The following EXOC6B variants were observed in gnomAD, a reference collection of about 807,000 sequenced individuals.
EXOC6B encodes exocyst complex component 6B.
Under a neutral mutation model 113.5 loss-of-function variants are expected in EXOC6B, and 54 were observed. That is an observed-to-expected ratio of 0.48 (90% CI 0.38 to 0.60). The LOEUF is 0.60. Ranked by LOEUF, EXOC6B falls within the 20% of genes least tolerant of loss-of-function variation. The pLI is 0.00. For synonymous variants in EXOC6B, 357 were observed against 339.0 expected (o/e 1.05, Z -0.58); for missense variants, 797 against 977.5 (o/e 0.82, Z 2.46).
chr2:72,643,778 T>C (rs941534861), intron 6 of EXOC6B, among the ~76,000 whole-genome samples: 1 of 143,166 alleles, frequency 7.0e-6, no homozygotes, highest in Non-Finnish European at 1.5e-5. Flanking sequence ...AAAAAATAAA[T>C]TTAAAAAAAA....
chr2:72,415,521 T>G (rs948889621), intron 18 of EXOC6B, among the ~76,000 whole-genome samples: 1 of 139,588 alleles, frequency 7.2e-6, no homozygotes, highest in Non-Finnish European at 1.5e-5. Flanking sequence ...CTGTGGTTTC[T>G]TTTTTTTTTT....
rs191417737 is a variant in EXOC6B, at chr2:72,307,515, C to T, written c.2196+27432G>A. ...TTTCCCTCTTTGGTGTCTTCAAATGCACTCACCGTAAGATTTCCACTCCCC... is the reference window on the plus strand; with the variant it reads ...TTTCCCTCTTTGGTGTCTTCAAATGTACTCACCGTAAGATTTCCACTCCCC... On this transcript the variant is annotated intron_variant, in intron 20 of 21. Transcript: ENST00000272427. Among the ~76,000 whole-genome samples the T allele has an allele frequency of 2.9e-3, 439 of 152,208 alleles. 4 individuals are homozygous for T. The highest frequency in any genetic ancestry group is 2.5e-3 in the Non-Finnish European group (172 of 68,014).
intron 18 of EXOC6B, among the ~76,000 whole-genome samples, chr2:72,444,498 C>T (rs1355049959): frequency 6.6e-6 from 1 of 152,216 alleles, no homozygotes; most frequent in Admixed American, 6.5e-5. Flanking sequence ...ACCCACATTT[C>T]CCTTCTGCAC....
chr2:72,544,665 G>A (rs550926766), intron 8 of EXOC6B, among the ~76,000 whole-genome samples: 2 of 152,230 alleles, frequency 1.3e-5, no homozygotes, highest in Non-Finnish European at 2.9e-5. Context: ...ATTTGAAAGA[G>A]AGGGTGCCCT....
In EXOC6B at chr2:72,209,771, G is replaced by C. The variant is rs150629937; in HGVS notation, c.2197-25584C>G. ...TAAGTAAAGGCTTACAGCTACATCA[G>C]AGAATTAGTGTTGTAACTCATCCTG... is the stretch of plus-strand genomic sequence containing the variant. On this transcript the variant is annotated intron_variant, in intron 20 of 21. Coordinates refer to ENST00000272427, the MANE Select transcript of EXOC6B (RefSeq NM_015189.3). Among the ~76,000 whole-genome samples the C allele has an allele frequency of 4.5e-3, 681 of 152,312 alleles. 7 individuals are homozygous for C. The highest frequency in any genetic ancestry group is 0.015 in the African/African-American group (610 of 41,560).
chr2:72,696,178 T>C (rs1354674183), intron 6 of EXOC6B, among the ~76,000 whole-genome samples: 2 of 152,200 alleles, frequency 1.3e-5, no homozygotes, highest in South Asian at 4.1e-4. Context: ...GACAGTAATA[T>C]TCTCATTTAG....
At chr2:72,264,503 A>G (rs1406899587) in intron 20 of EXOC6B, among the ~76,000 whole-genome samples, 1 of 152,102 alleles carries the variant, frequency 6.6e-6, no homozygotes, top group Non-Finnish European at 1.5e-5. Context: ...CCTGGGAGGC[A>G]GAGGCTGCAG....
intron 11 of EXOC6B, among the ~76,000 whole-genome samples, chr2:72,502,346 T>C (rs1336873549): frequency 6.6e-6 from 1 of 152,130 alleles, no homozygotes. Flanking sequence ...TCAGAAACTC[T>C]GGGCCAGCCT....
intron 20 of EXOC6B, among the ~76,000 whole-genome samples, chr2:72,257,967 A>C (rs1478757574): frequency 2.0e-5 from 3 of 152,190 alleles, no homozygotes; most frequent in Admixed American, 6.5e-5. Context: ...TAAGTCCTGC[A>C]AAAAGGGCAT....
chr2:72,552,899 A>G (rs1344072208), intron 8 of EXOC6B, among the ~76,000 whole-genome samples: 1 of 152,018 alleles, frequency 6.6e-6, no homozygotes, highest in Non-Finnish European at 1.5e-5. Context: ...AAAGCTATAT[A>G]ATGATTAATC....
chr2:72,517,831 A>G (rs1248788654), intron 8 of EXOC6B, among the ~76,000 whole-genome samples: 1 of 152,174 alleles, frequency 6.6e-6, no homozygotes, highest in Non-Finnish European at 1.5e-5. Context: ...AATACATAAG[A>G]TGGAATTCTA....
intron 20 of EXOC6B, among the ~76,000 whole-genome samples, chr2:72,321,775 G>C (rs1233697887): frequency 1.3e-5 from 2 of 152,112 alleles, no homozygotes. Flanking sequence ...ATAAATTTCT[G>C]ATAAATGGAA....
chr2:72,439,591 AC>A (rs1176085657), intron 18 of EXOC6B, among the ~76,000 whole-genome samples: 2 of 152,094 alleles, frequency 1.3e-5, no homozygotes, highest in African/African-American at 4.8e-5. Context: ...TCTTCTCTAT[AC>A]TGGCAATTTT....
intron 18 of EXOC6B, among the ~76,000 whole-genome samples, chr2:72,383,070 G>T (rs1327773257): frequency 6.6e-6 from 1 of 152,098 alleles, no homozygotes; most frequent in Non-Finnish European, 1.5e-5. Context: ...CACCTTTCTG[G>T]ACAAGGGAAC....
chr2:72,249,702 T>C lies in EXOC6B; in HGVS notation c.2197-65515A>G, dbSNP rs150956653. On this transcript the variant is annotated intron_variant, in intron 20 of 21. Transcript: ENST00000272427. ...TCATATGGGTTGTTTATTTTCACTA[T>C]CACTACCCAATAATTTATTTGCTTC... 1.1e-3 allele frequency among the ~76,000 whole-genome samples: 175 copies of C among 152,326 alleles called. 1 individual carries two copies. Among genetic ancestry groups the C allele is most frequent in the African/African-American group, 4.0e-3 (165 of 41,572 alleles).
intron 6 of EXOC6B, among the ~76,000 whole-genome samples, chr2:72,576,425 C>T (rs545578933): frequency 4.1e-4 from 63 of 152,136 alleles, no homozygotes; most frequent in African/African-American, 1.5e-3. Flanking sequence ...GAGTCAACAA[C>T]AGAAGCATTA....
At chr2:72,453,033 C>G (rs1558681230) in intron 18 of EXOC6B, among the ~76,000 whole-genome samples, 2 of 152,070 alleles carry the variant, frequency 1.3e-5, no homozygotes, top group Non-Finnish European at 2.9e-5. Flanking sequence ...AAACACCTTC[C>G]TTTAGACTTA....
intron 1 of EXOC6B, among the ~76,000 whole-genome samples, chr2:72,818,037 T>A (rs985678721): frequency 2.0e-5 from 3 of 152,138 alleles, no homozygotes; most frequent in Non-Finnish European, 4.4e-5. Flanking sequence ...AGTGGTGCGA[T>A]CTCCACTCAC....
chr2:72,512,708 G>T (rs190688521), intron 11 of EXOC6B, among the ~76,000 whole-genome samples: 1 of 151,902 alleles, frequency 6.6e-6, no homozygotes, highest in East Asian at 1.9e-4. Context: ...AGACCATCTG[G>T]GTTTCAATCC....
Sources: gnomAD v4.1 joint callset for allele counts (sites outside exome capture counted in the v4.1 genomes callset) on GRCh38, gnomAD v4.1.1 for gene constraint, MANE v1.5 for transcripts, NCBI Gene and HGNC (gene_info 2026-07-23, HGNC 2026-07-21) for gene names.